The following CEP128 variants were observed in gnomAD, a reference collection of about 807,000 sequenced individuals.
CEP128 encodes the protein centrosomal protein 128.
CEP128 carries 132 observed loss-of-function variants against 156.7 expected under a neutral mutation model. The ratio of observed to expected loss-of-function variants is 0.84; its 90% CI spans 0.73 to 0.97. The LOEUF is 0.97. CEP128 is among the 50% of genes least tolerant of loss of function. The pLI is 0.00. For synonymous variants in CEP128, 469 were observed against 448.9 expected, an observed-to-expected ratio of 1.04 and a Z score of -0.57; for missense variants, 1,252 against 1,281.9, an observed-to-expected ratio of 0.98 and a Z score of 0.36.
In CEP128 at chr14:80,831,244, C is replaced by T. The variant is rs576674359; in HGVS notation, c.1108G>A (p.Val370Met). ...DLEKQMSDLR[V>M]QLNFSAMASE... ...GCCATTGCGCTGAAGTTCAGCTGCACTCTCAAATCTGACATTTGCTTCTCC... is the reference window on the plus strand; with the variant it reads ...GCCATTGCGCTGAAGTTCAGCTGCATTCTCAAATCTGACATTTGCTTCTCC... The change falls in exon 13 of 25, where the codon GTG becomes ATG. Residue 370 changes from valine (V) to methionine (M), a missense_variant. Coordinates refer to ENST00000555265, the MANE Select transcript of CEP128 (RefSeq NM_152446.5). 28 of 1,613,934 alleles carry T rather than the reference C, an allele frequency of 1.7e-5. No homozygotes were observed. The highest frequency in any genetic ancestry group is 2.4e-5 in the Non-Finnish European group (28 of 1,179,954).
intron 19 of CEP128, among the ~76,000 whole-genome samples, chr14:80,708,416 T>C (rs1395716863): frequency 6.6e-5 from 10 of 152,194 alleles, no homozygotes; most frequent in Non-Finnish European, 1.2e-4. Flanking sequence ...TGTTTATATA[T>C]TAGGGATATG....
intron 13 of CEP128, among the ~76,000 whole-genome samples, chr14:80,825,714 A>G (rs1885435367): frequency 6.6e-6 from 1 of 152,196 alleles, no homozygotes; most frequent in African/African-American, 2.4e-5. Flanking sequence ...CTTTCCTCAT[A>G]ACTCCCAAAA....
At chr14:80,697,343 G>A (rs759785155) in intron 19 of CEP128, among the ~76,000 whole-genome samples, 12 of 152,102 alleles carry the variant, frequency 7.9e-5, no homozygotes, top group Admixed American at 2.6e-4. Context: ...TAAAGGGCAG[G>A]TAATGGATTT....
chr14:80,567,510 C>T (rs546618409), intron 20 of CEP128, among the ~76,000 whole-genome samples: 57 of 152,156 alleles, frequency 3.7e-4, no homozygotes, highest in Admixed American at 7.2e-4. Context: ...CTGAGACTAC[C>T]CTTTAAATTT....
intron 4 of CEP128, among the ~76,000 whole-genome samples, chr14:80,908,578 CTT>C (rs993172411): frequency 3.3e-4 from 51 of 152,292 alleles, no homozygotes; most frequent in African/African-American, 1.2e-3. Context: ...TTAATCTACT[CTT>C]TTAATTTCTT....
At chr14:80,656,537 G>C (rs898185102) in intron 19 of CEP128, among the ~76,000 whole-genome samples, 1 of 151,176 alleles carries the variant, frequency 6.6e-6, no homozygotes, top group African/African-American at 2.4e-5. Flanking sequence ...TTCTCCACCT[G>C]AAAAGTTTAT....
intron 8 of CEP128, among the ~76,000 whole-genome samples, chr14:80,868,391 A>T (rs2139239795): frequency 6.6e-6 from 1 of 152,304 alleles, no homozygotes; most frequent in East Asian, 1.9e-4. Flanking sequence ...GGGGAAGTTA[A>T]GTGTAGACTC....
chr14:80,838,325 G>C (rs769163132), intron 10 of CEP128, 47 bp from the exon 11 acceptor site: 2 of 1,368,696 alleles, frequency 1.5e-6, no homozygotes, highest in Admixed American at 1.8e-5. Flanking sequence ...TGGAGCAGAA[G>C]ATAACTAAAT....
At chr14:80,548,718 T>C (rs1309096375) in intron 21 of CEP128, among the ~76,000 whole-genome samples, 2 of 152,216 alleles carry the variant, frequency 1.3e-5, no homozygotes, top group African/African-American at 2.4e-5. Flanking sequence ...CCAAGGAAGT[T>C]AGAAAGGCAG....
At chr14:80,742,878 C>T (rs1047114320) in intron 19 of CEP128, 197 bp downstream of exon 19, 2 of 566,812 alleles carry the variant, frequency 3.5e-6, no homozygotes, top group African/African-American at 3.8e-5. Flanking sequence ...ATCATATACA[C>T]AGGAGGAATG....
exon 2 of CEP128, chr14:80,958,256 T>C (rs571042207): frequency 6.6e-6 from 1 of 152,294 alleles, no homozygotes; most frequent in South Asian, 2.1e-4. Context: ...AAGTAGGTGA[T>C]GTTATTATGC....
chr14:80,731,222 A>C (rs1369941547), intron 19 of CEP128, among the ~76,000 whole-genome samples: 1 of 152,184 alleles, frequency 6.6e-6, no homozygotes, highest in Non-Finnish European at 1.5e-5. Context: ...TTGCTGGTTT[A>C]TTTTGATATG....
At chr14:80,484,537 T>A (rs1887119008) in intron 14 of CEP128, among the ~76,000 whole-genome samples, 1 of 152,202 alleles carries the variant, frequency 6.6e-6, no homozygotes, top group South Asian at 2.1e-4. Flanking sequence ...TGATCAAACA[T>A]TTAGGTAAAG....
intron 9 of CEP128, among the ~76,000 whole-genome samples, chr14:80,844,493 C>T (rs1268187844): frequency 6.6e-6 from 1 of 152,002 alleles, no homozygotes; most frequent in Non-Finnish European, 1.5e-5. Context: ...GGGAGAAATT[C>T]AAAAAACTTG....
At chr14:80,573,487 C>T (rs959368745) in intron 20 of CEP128, among the ~76,000 whole-genome samples, 9 of 152,132 alleles carry the variant, frequency 5.9e-5, no homozygotes, top group African/African-American at 2.2e-4. Context: ...CAATCAACTT[C>T]GATATATTCA....
At chr14:80,734,483 T>G (rs896061972) in intron 19 of CEP128, among the ~76,000 whole-genome samples, 11 of 151,914 alleles carry the variant, frequency 7.2e-5, no homozygotes, top group African/African-American at 2.7e-4. Context: ...TTAAATAAAA[T>G]TATAAATTAC....
chr14:80,956,039 A>G, intron 2 of CEP128: 3 of 688,918 alleles, frequency 4.4e-6, no homozygotes, highest in South Asian at 1.7e-5. Flanking sequence ...TTGGGAAGGT[A>G]TCATTGTTGA....
intron 14 of CEP128, among the ~76,000 whole-genome samples, chr14:80,790,008 T>C (rs1206735055): frequency 6.6e-6 from 1 of 152,122 alleles, no homozygotes; most frequent in South Asian, 2.1e-4. Flanking sequence ...AAAAATCATA[T>C]ACTTTGGCAC....
At chr14:80,789,310 G>C (rs1901582795) in intron 14 of CEP128, among the ~76,000 whole-genome samples, 1 of 152,070 alleles carries the variant, frequency 6.6e-6, no homozygotes, top group Admixed American at 6.6e-5. Context: ...GTAGGGAATA[G>C]AAGAATTATG....
Sources: allele counts gnomAD v4.1 joint callset (sites outside exome capture counted in the v4.1 genomes callset), GRCh38; gene constraint gnomAD v4.1.1; transcripts MANE v1.5; gene names NCBI Gene and HGNC (gene_info 2026-07-23, HGNC 2026-07-21).